LRP8: variants seen among roughly 807,000 people sequenced by gnomAD.
LRP8 encodes LDL receptor related protein 8.
Under a neutral mutation model 111.6 loss-of-function variants are expected in LRP8, and 46 were observed. The ratio of observed to expected loss-of-function variants is 0.41; its 90% confidence interval spans 0.33 to 0.53. The LOEUF is 0.53. LRP8 is among the 20% of genes least tolerant of loss of function. The pLI, the probability that LRP8 is intolerant of heterozygous loss-of-function variation, is 0.20. For synonymous variants in LRP8, 464 were observed against 511.2 expected, an observed-to-expected ratio of 0.91 and a Z score of 1.24; for missense variants, 959 against 1,297.4, an observed-to-expected ratio of 0.74 and a Z score of 4.01.
chr1:53,258,549 C>G (rs1646197351), intron 13 of LRP8, 78 bp from the exon 14 acceptor site: 5 of 1,392,570 alleles, frequency 3.6e-6, no homozygotes, highest in African/African-American at 1.4e-5. Flanking sequence ...TGAGGCTTCT[C>G]CCACCTGGCT....
intron 2 of LRP8, chr1:53,306,226 A>G (rs558252724): frequency 1.3e-5 from 2 of 152,372 alleles, no homozygotes; most frequent in East Asian, 1.9e-4. Context: ...CCATCTATAC[A>G]GAATGTACAG....
chr1:53,321,445 T>C (rs1654501620), intron 2 of LRP8, among the ~76,000 whole-genome samples: 1 of 152,178 alleles, frequency 6.6e-6, no homozygotes, highest in African/African-American at 2.4e-5. Flanking sequence ...TGGGACAGCA[T>C]GGGCCTGGGA....
At chr1:53,258,886 A>C (rs1646216729) in intron 13 of LRP8, among the ~76,000 whole-genome samples, 1 of 152,146 alleles carries the variant, frequency 6.6e-6, no homozygotes, top group South Asian at 2.1e-4. Context: ...CTTATAAGTG[A>C]GAGCATATAG....
intron 2 of LRP8, among the ~76,000 whole-genome samples, chr1:53,300,413 G>A (rs985641612): frequency 6.6e-6 from 1 of 152,206 alleles, no homozygotes; most frequent in Non-Finnish European, 1.5e-5. Context: ...CCCAGGGCCA[G>A]CCAGGGCCCA....
In LRP8 at chr1:53,246,025, A is replaced by G. The variant is rs555111719; in HGVS notation, c.*993T>C. 1 of 152,422 alleles carries G rather than the reference A, an allele frequency of 6.6e-6. No individual in the cohort carries two copies. The highest frequency in any genetic ancestry group is 2.1e-4 in the South Asian group (1 of 4,820). 9.4% of individuals were successfully genotyped at this position (152,422 alleles called of 1,614,324 possible). On this transcript the variant is annotated 3_prime_UTR_variant, in exon 19 of 19. Coordinates refer to ENST00000306052, the MANE Select transcript of LRP8 (RefSeq NM_004631.5). ...GTTACTCAAAGAGCTGAACTTTAAA[A>G]CAAGGAGTAGCTGAGGGTGAGGCAT...
intron 2 of LRP8, chr1:53,291,809 A>C (rs1366498158): frequency 6.6e-6 from 1 of 152,188 alleles, no homozygotes; most frequent in African/African-American, 2.4e-5. Context: ...ATAAAACTTT[A>C]TTTACAAAAA....
Position 53,246,271 on chromosome 1 carries a change from C to T in LRP8, c.*747G>A, listed in dbSNP as rs530578778. Reference sequence around the variant, plus strand: ...GGTATCTATTTTCTGATCCAGATTTCCAAAGGCTTTTCTGAAAACTACAAG... The same window carrying T: ...GGTATCTATTTTCTGATCCAGATTTTCAAAGGCTTTTCTGAAAACTACAAG... On this transcript the variant is annotated 3_prime_UTR_variant, in exon 19 of 19. Coordinates refer to ENST00000306052, the MANE Select transcript of LRP8 (RefSeq NM_004631.5). The T allele has an allele frequency of 6.6e-6, 1 of 152,244 alleles. No homozygotes were observed. Among genetic ancestry groups the T allele is most frequent in the African/African-American group, 2.4e-5 (1 of 41,536 alleles). The allele number at this position is 152,244 out of a possible 1,614,324, so 9.4% of individuals were successfully genotyped here.
rs1161569652 is a variant in LRP8, at chr1:53,272,661, A to G, written c.1007-1315T>C. On this transcript the variant is annotated intron_variant, in intron 6 of 18. Transcript: ENST00000306052. The stretch of plus-strand genomic sequence containing the variant: ...GGCGGAACTGAAAGAACAAGACCAC[A>G]GCAACTCCATGACTGGGGGACCCAG... 4.7e-6 allele frequency: 6 copies of G among 1,289,510 alleles called. No homozygotes were observed. In the South Asian group the frequency reaches 6.2e-5, roughly 13 times the overall value. The allele number at this position is 1,289,510 out of a possible 1,614,324, so 79.9% of individuals were successfully genotyped here. A position where few individuals can be genotyped will look rare whatever the true frequency, so the allele number is the denominator to read the frequency against.
rs543430004 is a variant in LRP8, at chr1:53,296,606, C to T, written c.245-6917G>A. Reference sequence around the variant, plus strand: ...TGGGGGCAGGGGGCGTGCCAGCCCGCCCCTGGCCTACTAACCTGGCAGGCA... The same window carrying T: ...TGGGGGCAGGGGGCGTGCCAGCCCGTCCCTGGCCTACTAACCTGGCAGGCA... On this transcript the variant is annotated intron_variant, in intron 2 of 18. Coordinates refer to ENST00000306052, the MANE Select transcript of LRP8 (RefSeq NM_004631.5). 2.0e-5 allele frequency among the ~76,000 whole-genome samples: 3 copies of T among 152,350 alleles called. No individual in the cohort carries two copies. In the East Asian group the frequency reaches 5.8e-4, roughly 29 times the overall value.
At chr1:53,300,176 T>C (rs999793113) in intron 2 of LRP8, among the ~76,000 whole-genome samples, 10 of 152,232 alleles carry the variant, frequency 6.6e-5, no homozygotes, top group African/African-American at 2.4e-4. Flanking sequence ...TCCCTGGCCA[T>C]CACCTGCCTC....
intron 2 of LRP8, among the ~76,000 whole-genome samples, chr1:53,322,436 G>C (rs919327147): frequency 1.3e-5 from 2 of 152,140 alleles, no homozygotes; most frequent in Admixed American, 6.5e-5. Flanking sequence ...CAGGGTGTCC[G>C]GCAGGAGGAA....
At chr1:53,287,390 G>A (rs1008365779) in intron 3 of LRP8, among the ~76,000 whole-genome samples, 1 of 152,244 alleles carries the variant, frequency 6.6e-6, no homozygotes, top group Non-Finnish European at 1.5e-5. Context: ...ACAAGCAAGG[G>A]GGAAAGGGGG....
Position 53,262,652 on chromosome 1 carries a change from AGTT to A in LRP8, c.1656-91_1656-89del. On this transcript the variant is annotated intron_variant, in intron 10 of 18. Coordinates refer to ENST00000306052, the MANE Select transcript of LRP8 (RefSeq NM_004631.5). This position sits in a 1 kb window ranked among gnomAD's most constrained non-coding sequence, Gnocchi z 4.8. ...ACAAGAGCTCAATAACCCATTGACT[AGTT>A]GTGGTTTATGTTTAGTAGGGACTGA... The A allele has an allele frequency of 7.9e-6, 8 of 1,006,862 alleles. No homozygotes were observed. The highest frequency in any genetic ancestry group is 1.3e-5 in the South Asian group (1 of 77,244). The allele number at this position is 1,006,862 out of a possible 1,614,324, so 62.4% of individuals were successfully genotyped here.
rs1553191209 is a variant in LRP8, at chr1:53,302,856, A to ACTTTTTTTT, written c.245-13168_245-13167insAAAAAAAAG. On this transcript the variant is annotated intron_variant, in intron 2 of 18. Coordinates refer to ENST00000306052, the MANE Select transcript of LRP8 (RefSeq NM_004631.5). ...AGGCGTGCACCACCACACCCAGCTA[A>ACTTTTTTTT]TTTTTTTTTTTTTTTGGATTTTTGT... Among the ~76,000 whole-genome samples the ACTTTTTTTT allele has an allele frequency of 2.0e-3, 256 of 126,572 alleles. 2 individuals carry two copies. Among genetic ancestry groups the ACTTTTTTTT allele is most frequent in the Non-Finnish European group, 3.2e-3 (195 of 61,592 alleles). 83.0% of individuals were successfully genotyped at this position (126,572 alleles called of 152,430 possible).
rs1009282482 is a variant in LRP8, at chr1:53,294,158, C to T, written c.245-4469G>A. 2.0e-5 allele frequency among the ~76,000 whole-genome samples: 3 copies of T among 152,152 alleles called. No individual in the cohort carries two copies. Among genetic ancestry groups the T allele is most frequent in the Admixed American group, 2.0e-4 (3 of 15,280 alleles). On this transcript the variant is annotated intron_variant, in intron 2 of 18. Coordinates refer to ENST00000306052, the MANE Select transcript of LRP8 (RefSeq NM_004631.5). This position sits in a 1 kb window ranked among gnomAD's most constrained non-coding sequence, Gnocchi z 4.1. Reference sequence around the variant, plus strand: ...GCTCCCTGTTTCCAGGGATTTATGTCCCCCCATGCCAGTCTGCCCCTTGGA... The same window carrying T: ...GCTCCCTGTTTCCAGGGATTTATGTTCCCCCATGCCAGTCTGCCCCTTGGA...
chr1:53,262,288 A>G lies in LRP8; in HGVS notation c.1775-81T>C. The G allele has an allele frequency of 5.1e-6, 8 of 1,582,402 alleles. No homozygotes were observed. Among genetic ancestry groups the G allele is most frequent in the Non-Finnish European group, 6.9e-6 (8 of 1,159,018 alleles). On this transcript the variant is annotated intron_variant, in intron 11 of 18. Coordinates refer to ENST00000306052, the MANE Select transcript of LRP8 (RefSeq NM_004631.5). The surrounding 1 kb of genome is among the most constrained non-coding windows in gnomAD (Gnocchi z 4.8). ...TTCCTTTGTACCTCTCCCTGCCCAC[A>G]TTTCTAGGCCTCACACTGAGGCCAG...
At chr1:53,282,950 GA>G (rs1557798894) in intron 3 of LRP8, among the ~76,000 whole-genome samples, 1 of 152,178 alleles carries the variant, frequency 6.6e-6, no homozygotes, top group Non-Finnish European at 1.5e-5. Context: ...CCTCTCAAGG[GA>G]GGGGGAGGGG....
At chr1:53,277,885 A>C (rs962993474) in intron 4 of LRP8, among the ~76,000 whole-genome samples, 2 of 152,070 alleles carry the variant, frequency 1.3e-5, no homozygotes, top group Non-Finnish European at 2.9e-5. Context: ...CTTTGTCCTG[A>C]GGGCCTGGTA....
rs1288496 is a variant in LRP8 at position 53,296,800 on chromosome 1, C to T, written c.245-7111G>A. ...CACCCGGGGGCCCTGGCCTGACGGC[C>T]GTCCCACTACCAGAGCCACCCTCTC... On this transcript the variant is annotated intron_variant, in intron 2 of 18. Transcript: ENST00000306052. Among the ~76,000 whole-genome samples the T allele has an allele frequency of 3.4e-3, 525 of 152,352 alleles. 1 individual carries two copies. The highest frequency in any genetic ancestry group is 0.012 in the African/African-American group (501 of 41,586).
Sources: gnomAD v4.1 joint callset for allele counts (sites outside exome capture counted in the v4.1 genomes callset) on GRCh38, gnomAD v4.1.1 for gene constraint, Gnocchi (gnomAD v3.1) non-coding constraint, MANE v1.5 for transcripts, NCBI Gene and HGNC (gene_info 2026-07-23, HGNC 2026-07-21) for gene names.